Variants in ARHGAP15 observed in about 807,000 individuals in gnomAD.
ARHGAP15 encodes the protein Rho GTPase activating protein 15.
ARHGAP15 carries 51 observed loss-of-function variants against 63.7 expected under a neutral mutation model. The ratio of observed to expected loss-of-function variants is 0.80; its 90% CI spans 0.64 to 1.01. ARHGAP15 has a LOEUF of 1.01. Among genes scored for constraint, ARHGAP15 ranks in the 50% least tolerant of loss-of-function variants. The probability of loss-of-function intolerance (pLI) is 0.00; values close to 1 mark genes in which losing one functional copy is unlikely to be tolerated. For missense variants in ARHGAP15, 560 were observed against 564.6 expected (o/e 0.99, Z 0.08); for synonymous variants, 191 against 193.8 (o/e 0.99, Z 0.12).
At chr2:143,188,968 C>A (rs999961663) in intron 2 of ARHGAP15, among the ~76,000 whole-genome samples, 2 of 151,720 alleles carry the variant, frequency 1.3e-5, no homozygotes, top group Non-Finnish European at 2.9e-5. Flanking sequence ...TTGGTCAAAT[C>A]CTTCATTTTG....
At position 143,435,771 on chromosome 2, in the gene ARHGAP15, T is replaced by C. The variant is rs142943063; in HGVS notation, c.573+72T>C. 101 of 1,413,806 alleles carry C rather than the reference T, an allele frequency of 7.1e-5. No individual in the cohort carries two copies. In the African/African-American group the frequency reaches 1.3e-3, roughly 18 times the overall value. 87.6% of individuals were successfully genotyped at this position (1,413,806 alleles called of 1,614,324 possible). ...ATTTAAATCTTATTGCTCAGGCATATAACACACACACTCATTTAAATAGAT... is the reference window on the plus strand; with the variant it reads ...ATTTAAATCTTATTGCTCAGGCATACAACACACACACTCATTTAAATAGAT... On this transcript the variant is annotated intron_variant, in intron 7 of 13. Transcript: ENST00000295095.
At chr2:143,274,413 G>A (rs1462184060) in intron 6 of ARHGAP15, among the ~76,000 whole-genome samples, 2 of 152,106 alleles carry the variant, frequency 1.3e-5, no homozygotes. Flanking sequence ...ACATTCTGTG[G>A]TATAATGTTG....
chr2:143,138,721 C>G (rs1429418362), intron 1 of ARHGAP15, among the ~76,000 whole-genome samples: 2 of 152,074 alleles, frequency 1.3e-5, no homozygotes, highest in Non-Finnish European at 2.9e-5. Context: ...ACGGTAGCAA[C>G]TAGCACAAGT....
At position 143,154,887 on chromosome 2, in the gene ARHGAP15, C is replaced by T. The variant is rs150931362; in HGVS notation, c.-14-590C>T. ...TTTTTCTTCATATTCTTTATAAATA[C>T]GATGTCCAACTAAGCTAGCAAATCT... On this transcript the variant is annotated intron_variant, in intron 1 of 13. Coordinates refer to ENST00000295095, the MANE Select transcript of ARHGAP15 (RefSeq NM_018460.4). Among the ~76,000 whole-genome samples, 103 of 151,884 alleles carry T rather than the reference C, an allele frequency of 6.8e-4. 1 individual carries two copies. Among genetic ancestry groups the T allele is most frequent in the African/African-American group, 2.2e-3 (91 of 41,440 alleles).
chr2:143,736,640 A>G (rs1462923230), intron 13 of ARHGAP15, among the ~76,000 whole-genome samples: 1 of 152,224 alleles, frequency 6.6e-6, no homozygotes, highest in Non-Finnish European at 1.5e-5. Flanking sequence ...AATATATATT[A>G]GGTGTCCAGC....
At position 143,376,685 on chromosome 2, in the gene ARHGAP15, A is replaced by G. The variant is rs569788304; in HGVS notation, c.475-58916A>G. ...ATGCCATATAAAATCTATCATTAAT[A>G]TTATAATAATTTAATATTTAATTTA... On this transcript the variant is annotated intron_variant, in intron 6 of 13. Coordinates refer to ENST00000295095, the MANE Select transcript of ARHGAP15 (RefSeq NM_018460.4). Among the ~76,000 whole-genome samples, 44 of 151,996 alleles carry G rather than the reference A, an allele frequency of 2.9e-4. 1 individual carries two copies. Among genetic ancestry groups the G allele is most frequent in the African/African-American group, 9.4e-4 (39 of 41,550 alleles).
At chr2:143,432,462 C>T (rs933993583) in intron 6 of ARHGAP15, among the ~76,000 whole-genome samples, 1 of 151,980 alleles carries the variant, frequency 6.6e-6, no homozygotes, top group Non-Finnish European at 1.5e-5. Flanking sequence ...AAATCTAAAA[C>T]GCAAATTTCT....
At chr2:143,286,323 A>C (rs1348239988) in intron 6 of ARHGAP15, among the ~76,000 whole-genome samples, 1 of 152,152 alleles carries the variant, frequency 6.6e-6, no homozygotes, top group East Asian at 1.9e-4. Context: ...TTTCTAACAG[A>C]CCACAGTGTG....
chr2:143,644,522 G>A (rs1680772885), intron 12 of ARHGAP15, among the ~76,000 whole-genome samples: 1 of 152,042 alleles, frequency 6.6e-6, no homozygotes, highest in Non-Finnish European at 1.5e-5. Context: ...ATCTTCTTCA[G>A]TTCAAAGCAC....
At chr2:143,294,152 TACATACTCTGGAACCC>T (rs1682530317) in intron 6 of ARHGAP15, among the ~76,000 whole-genome samples, 1 of 152,068 alleles carries the variant, frequency 6.6e-6, no homozygotes, top group Admixed American at 6.6e-5. Flanking sequence ...TTGTTATTCT[TACATACTCTGGAACCC>T]ACAGCACTTA....
intron 12 of ARHGAP15, among the ~76,000 whole-genome samples, chr2:143,687,780 A>G (rs1352382218): frequency 1.3e-5 from 2 of 152,148 alleles, no homozygotes; most frequent in Non-Finnish European, 1.5e-5. Context: ...AATAACACAA[A>G]CTCATTATTG....
At chr2:143,262,202 A>G (rs10153706) in intron 6 of ARHGAP15, among the ~76,000 whole-genome samples, 40,261 of 152,110 alleles carry the variant, frequency 0.26, 6,324 homozygotes, top group African/African-American at 0.44. Context: ...GAGGATGTGA[A>G]GCAGGGCACA....
intron 12 of ARHGAP15, among the ~76,000 whole-genome samples, chr2:143,673,756 G>GTGTGTGTATATATATA (rs1682668589): frequency 1.3e-3 from 41 of 30,970 alleles, no homozygotes; most frequent in African/African-American, 2.9e-3. Context: ...GTGTGTGTGT[G>GTGTGTGTATATATATA]TGTATATATA....
chr2:143,187,728 G>A (rs1353148150), intron 2 of ARHGAP15, among the ~76,000 whole-genome samples: 2 of 152,130 alleles, frequency 1.3e-5, no homozygotes, highest in Non-Finnish European at 2.9e-5. Context: ...AATTCTTTTT[G>A]TATTCCACTT....
At chr2:143,287,813 A>G (rs1343144847) in intron 6 of ARHGAP15, among the ~76,000 whole-genome samples, 1 of 152,146 alleles carries the variant, frequency 6.6e-6, no homozygotes, top group African/African-American at 2.4e-5. Flanking sequence ...CAAAAAAAGA[A>G]AAAGAAAAAA....
chr2:143,628,141 G>T (rs950176096), intron 12 of ARHGAP15, among the ~76,000 whole-genome samples: 5 of 152,046 alleles, frequency 3.3e-5, no homozygotes, highest in African/African-American at 9.7e-5. Context: ...TATCCATGTT[G>T]CTCCAGAGGA....
chr2:143,276,891 TG>T (rs1316605793), intron 6 of ARHGAP15, among the ~76,000 whole-genome samples: 2 of 152,216 alleles, frequency 1.3e-5, no homozygotes, highest in Non-Finnish European at 2.9e-5. Context: ...GGTTTAATTT[TG>T]TACCTTGCTG....
At position 143,389,353 on chromosome 2, in the gene ARHGAP15, C is replaced by T. The variant is rs184231001; in HGVS notation, c.475-46248C>T. Among the ~76,000 whole-genome samples, 10 of 152,122 alleles carry T rather than the reference C, an allele frequency of 6.6e-5. No homozygotes were observed. The East Asian group carries it at 9.7e-4, about 15-fold the overall frequency. On this transcript the variant is annotated intron_variant, in intron 6 of 13. Coordinates refer to ENST00000295095, the MANE Select transcript of ARHGAP15 (RefSeq NM_018460.4). ...CTGTTACATTCATGAATTCACTTTA[C>T]GGTTATTCTTACAGATACTGAAAGA...
intron 6 of ARHGAP15, among the ~76,000 whole-genome samples, chr2:143,421,599 T>G (rs1558960208): frequency 6.6e-6 from 1 of 151,878 alleles, no homozygotes; most frequent in Non-Finnish European, 1.5e-5. Flanking sequence ...CAGAATCAAT[T>G]TAGTGAGTTG....
Sources: allele counts gnomAD v4.1 joint callset (sites outside exome capture counted in the v4.1 genomes callset), GRCh38; gene constraint gnomAD v4.1.1; transcripts MANE v1.5; gene names NCBI Gene and HGNC (gene_info 2026-07-23, HGNC 2026-07-21).